SLC17A1: variants seen among roughly 807,000 people sequenced by gnomAD.
SLC17A1 encodes the protein solute carrier family 17 member 1.
In SLC17A1, 51 loss-of-function variants were observed where a neutral mutation model predicts 53.5. The ratio of observed to expected loss-of-function variants is 0.95; its 90% CI spans 0.76 to 1.20. The LOEUF (loss-of-function observed/expected upper bound fraction) is 1.20. Among genes scored for constraint, SLC17A1 ranks in the 50% most tolerant of loss-of-function variants. The pLI is 0.00. For synonymous variants in SLC17A1, 179 were observed against 198.8 expected, an observed-to-expected ratio of 0.90 and a Z score of 0.84; for missense variants, 538 against 568.2, an observed-to-expected ratio of 0.95 and a Z score of 0.54.
At chr6:25,750,341 T>A in the SLC17A1 span, among the ~76,000 whole-genome samples, 1 of 152,164 alleles carries the variant, frequency 6.6e-6, no homozygotes, top group South Asian at 2.1e-4. Context: ...TGACTATATT[T>A]CACAAAGTAT....
chr6:25,829,662 A>G (rs1270140805), intron 2 of SLC17A1, among the ~76,000 whole-genome samples: 2 of 152,206 alleles, frequency 1.3e-5, no homozygotes, highest in Non-Finnish European at 2.9e-5. Flanking sequence ...TTAAGTTAAA[A>G]AGAAGACCAC....
the SLC17A1 span, chr6:25,731,978 G>T: frequency 6.3e-7 from 1 of 1,592,000 alleles, no homozygotes; most frequent in Admixed American, 1.7e-5. Flanking sequence ...AAGAATTCAT[G>T]ATACTCATGG....
chr6:25,819,545 C>T lies in SLC17A1; in HGVS notation c.495G>A (p.Leu165=). Reference sequence around the variant, plus strand: ...TCATAGAAGTAAGTCGGCCTCGTTCCAGGGGAGGAGCCCATTTGACATATA... The same window carrying T: ...TCATAGAAGTAAGTCGGCCTCGTTCTAGGGGAGGAGCCCATTTGACATATA... ...FEIYVKWAPP[L]ERGRLTSMST... Residue 165 remains leucine, a synonymous_variant, in exon 5 of 13, where the codon CTG becomes CTA. Transcript: ENST00000244527. 1.9e-6 allele frequency: 3 copies of T among 1,614,154 alleles called. No homozygotes were observed. Among genetic ancestry groups the T allele is most frequent in the Non-Finnish European group, 2.5e-6 (3 of 1,179,990 alleles).
the SLC17A1 span, chr6:25,770,049 A>T: frequency 2.5e-6 from 4 of 1,602,064 alleles, no homozygotes; most frequent in Middle Eastern, 5.0e-4. Flanking sequence ...ACAAACAGTA[A>T]CTCTCTTTGT....
At chr6:25,769,061 C>T in the SLC17A1 span, 2 of 1,613,988 alleles carry the variant, frequency 1.2e-6, no homozygotes, top group South Asian at 1.1e-5. Flanking sequence ...AACAAATGAA[C>T]TTGAGCATTG....
chr6:25,758,164 C>T, the SLC17A1 span, among the ~76,000 whole-genome samples: 2 of 152,196 alleles, frequency 1.3e-5, no homozygotes, highest in Non-Finnish European at 1.5e-5. Flanking sequence ...TTTATGCACA[C>T]ACATGCACAC....
intron 12 of SLC17A1, among the ~76,000 whole-genome samples, chr6:25,787,262 C>T (rs546115196): frequency 4.0e-5 from 6 of 151,390 alleles, no homozygotes; most frequent in Middle Eastern, 3.4e-3. Flanking sequence ...CCAAGGTGGA[C>T]GCATCACTTG....
rs557892235 is a variant in SLC17A1, at chr6:25,783,935, G to A, written c.*3-717C>T. Among the ~76,000 whole-genome samples the A allele has an allele frequency of 1.1e-3, 170 of 152,112 alleles. 4 individuals are homozygous for A. Among genetic ancestry groups the A allele is most frequent in the South Asian group, 6.4e-3 (31 of 4,810 alleles). ...GCTTTACCTGGTTAATAGGTGTCCA[G>A]ATTAGCTCCTCTGATGTCATATTCT... On this transcript the variant is annotated intron_variant, in intron 12 of 12. Coordinates refer to ENST00000244527, the MANE Select transcript of SLC17A1 (RefSeq NM_005074.5).
rs34669145 is a variant in SLC17A1, at chr6:25,802,935, C to CTTTTTTTTTTTTTTTTT, written c.1179-1972_1179-1956dup. Among the ~76,000 whole-genome samples the CTTTTTTTTTTTTTTTTT allele has an allele frequency of 3.3e-4, 15 of 46,098 alleles. 3 individuals carry two copies. The highest frequency in any genetic ancestry group is 1.1e-3 in the African/African-American group (12 of 11,110). 30.2% of individuals were successfully genotyped at this position (46,098 alleles called of 152,430 possible). ...ATGACGTTTTAACGACTATCTTCTT[C>CTTTTTTTTTTTTTTTTT]TTTTTTTTTTTTTTTTTTTTTTTTT... is the stretch of plus-strand genomic sequence containing the variant. On this transcript the variant is annotated intron_variant, in intron 10 of 12. Coordinates refer to ENST00000244527, the MANE Select transcript of SLC17A1 (RefSeq NM_005074.5).
chr6:25,803,072 G>A (rs377004219), intron 10 of SLC17A1, among the ~76,000 whole-genome samples: 3 of 147,512 alleles, frequency 2.0e-5, no homozygotes, highest in Non-Finnish European at 3.0e-5. Context: ...TCAGCCTTCC[G>A]AGTAGCTGGG....
intron 10 of SLC17A1, among the ~76,000 whole-genome samples, chr6:25,804,523 C>T (rs377201298): frequency 1.3e-4 from 20 of 152,118 alleles, no homozygotes; most frequent in African/African-American, 4.6e-4. Flanking sequence ...GGAATAGTAC[C>T]TGACATCTCA....
chr6:25,755,184 T>G, the SLC17A1 span, among the ~76,000 whole-genome samples: 1,956 of 152,134 alleles, frequency 0.013, 27 homozygotes, highest in Non-Finnish European at 0.015. Context: ...AAATCCACAG[T>G]GAGACAATAA....
At chr6:25,799,247 T>C (rs568869222) in intron 11 of SLC17A1, among the ~76,000 whole-genome samples, 1 of 152,302 alleles carries the variant, frequency 6.6e-6, no homozygotes, top group South Asian at 2.1e-4. Context: ...AGCTGACATA[T>C]TATTGTATCC....
chr6:25,788,871 G>C (rs1466587780), intron 12 of SLC17A1, among the ~76,000 whole-genome samples: 1 of 152,160 alleles, frequency 6.6e-6, no homozygotes, highest in Non-Finnish European at 1.5e-5. Flanking sequence ...TGCTGGAAAA[G>C]AAAGTTAAAA....
At chr6:25,771,466 C>T in the SLC17A1 span, among the ~76,000 whole-genome samples, 5 of 151,336 alleles carry the variant, frequency 3.3e-5, no homozygotes, top group African/African-American at 9.7e-5. Flanking sequence ...CCCAGCTACT[C>T]GGGAGGCTGA....
At chr6:25,823,719 G>T (rs1257339865) in intron 3 of SLC17A1, among the ~76,000 whole-genome samples, 1 of 151,788 alleles carries the variant, frequency 6.6e-6, no homozygotes, top group African/African-American at 2.4e-5. Flanking sequence ...TAGCAAATAT[G>T]TGCCCCTGTC....
At chr6:25,739,929 A>G in the SLC17A1 span, among the ~76,000 whole-genome samples, 1 of 152,212 alleles carries the variant, frequency 6.6e-6, no homozygotes, top group African/African-American at 2.4e-5. Context: ...CTATTCACAC[A>G]TTGTACCAAT....
chr6:25,731,742 G>A, the SLC17A1 span: 1 of 1,366,394 alleles, frequency 7.3e-7, no homozygotes, highest in Non-Finnish European at 1.0e-6. Flanking sequence ...TCTTAAAAGA[G>A]CCTTTGGTTT....
At chr6:25,770,541 A>G in the SLC17A1 span, 1 of 1,375,762 alleles carries the variant, frequency 7.3e-7, no homozygotes, top group South Asian at 1.2e-5. Flanking sequence ...TGCCAACAGA[A>G]CCAAGATCTT....
Sources: allele counts gnomAD v4.1 joint callset (sites outside exome capture counted in the v4.1 genomes callset), GRCh38; gene constraint gnomAD v4.1.1; transcripts MANE v1.5; gene names NCBI Gene and HGNC (gene_info 2026-07-23, HGNC 2026-07-21).